The following CDK18 variants were observed in gnomAD, a reference collection of about 807,000 sequenced individuals.
CDK18 encodes the protein cyclin-dependent kinase 18.
In CDK18, 52 loss-of-function variants were observed where a neutral mutation model predicts 62.0. The observed-to-expected ratio is 0.84, with a 90% confidence interval of 0.67 to 1.06. The LOEUF (loss-of-function observed/expected upper bound fraction) is 1.06. Ranked by LOEUF, CDK18 falls within the 50% of genes least tolerant of loss-of-function variation. The probability of loss-of-function intolerance (pLI) is 0.00; values close to 1 mark genes in which losing one functional copy is unlikely to be tolerated. For missense variants in CDK18, 604 were observed against 619.9 expected (o/e 0.97, Z 0.27); for synonymous variants, 237 against 247.0 (o/e 0.96, Z 0.38).
intron 3 of CDK18, 83 bp from the exon 4 acceptor site, chr1:205,524,149 T>C: frequency 6.6e-7 from 1 of 1,523,954 alleles, no homozygotes; most frequent in Non-Finnish European, 9.1e-7. Flanking sequence ...GAACGCTAGG[T>C]CCAGAGTGAA....
At chr1:205,530,808 C>T (rs1398305631) in intron 15 of CDK18, 103 bp downstream of exon 15, 1 of 893,096 alleles carries the variant, frequency 1.1e-6, no homozygotes, top group Admixed American at 2.0e-5. Flanking sequence ...CCACTGGCTT[C>T]CCTTTGGACT....
rs769308265 is a variant in CDK18, at chr1:205,529,333, C to G, written c.1082C>G (p.Thr361Arg). The G allele has an allele frequency of 2.5e-6, 4 of 1,613,610 alleles. No homozygotes were observed. The Admixed American group carries it at 6.7e-5, about 27-fold the overall frequency. The stretch of plus-strand genomic sequence containing the variant: ...TCTCTCGTCTCCCCAGGGACCCCCA[C>G]AGAAGAGACGTGGCCCGGCGTGACC... ...HLIFRLLGTP[T>R]EETWPGVTAF... The change falls in exon 12 of 16, where the codon ACA becomes AGA. Residue 361 changes from threonine (T) to arginine (R), a missense_variant. Transcript: ENST00000429964.
intron 1 of CDK18, among the ~76,000 whole-genome samples, chr1:205,509,272 G>A (rs1667456479): frequency 6.6e-6 from 1 of 152,132 alleles, no homozygotes; most frequent in Non-Finnish European, 1.5e-5. Flanking sequence ...CCTCTTTCCT[G>A]GAGCTCTTGA....
chr1:205,510,614 G>A (rs77232427), intron 1 of CDK18, among the ~76,000 whole-genome samples: 7,826 of 152,290 alleles, frequency 0.051, 409 homozygotes, highest in African/African-American at 0.13. Context: ...TGGCTGTGGT[G>A]ACCAATAAAG....
intron 5 of CDK18, 130 bp from the exon 6 acceptor site, chr1:205,525,935 C>T (rs1668400488): frequency 6.3e-6 from 4 of 635,776 alleles, no homozygotes; most frequent in African/African-American, 3.7e-5. Flanking sequence ...GAGGAAACAG[C>T]ATGTCAGTAA....
Position 205,517,272 on chromosome 1 carries a change from T to TC in CDK18, c.-21-5870dup, listed in dbSNP as rs1667869155. Among the ~76,000 whole-genome samples the TC allele has an allele frequency of 6.6e-6, 1 of 152,036 alleles. No individual in the cohort carries two copies. The highest frequency in any genetic ancestry group is 2.4e-5 in the African/African-American group (1 of 41,392). On this transcript the variant is annotated intron_variant, in intron 1 of 15. Coordinates refer to ENST00000429964, the MANE Select transcript of CDK18 (RefSeq NM_212502.3). This position sits in a 1 kb window ranked among gnomAD's most constrained non-coding sequence, Gnocchi z 4.1. ...GGGGACCCTGCCTCCCTGGCCCTTC[T>TC]CCCCCTCACATCTGCCAAGAGATGA...
chr1:205,531,461 G>A lies in CDK18; in HGVS notation c.*83G>A, dbSNP rs1311722088. The A allele has an allele frequency of 2.7e-5, 36 of 1,324,016 alleles. No homozygotes were observed. Among genetic ancestry groups the A allele is most frequent in the Middle Eastern group, 3.6e-4 (2 of 5,514 alleles). The allele number at this position is 1,324,016 out of a possible 1,614,324, so 82.0% of individuals were successfully genotyped here. Reference sequence around the variant, plus strand: ...GTAGGATGGAGCCTGTGTGGCCCTCGGAGGACTGAAGAACGAGGGCTGACA... The same window carrying A: ...GTAGGATGGAGCCTGTGTGGCCCTCAGAGGACTGAAGAACGAGGGCTGACA... On this transcript the variant is annotated 3_prime_UTR_variant, in exon 16 of 16. Transcript: ENST00000429964.
intron 13 of CDK18, chr1:205,529,978 T>G: frequency 7.2e-7 from 1 of 1,393,668 alleles, no homozygotes; most frequent in Non-Finnish European, 9.3e-7. Context: ...CTCCATCTGA[T>G]CATGGTTGGT....
At chr1:205,518,554 G>T (rs1667946698) in intron 1 of CDK18, among the ~76,000 whole-genome samples, 1 of 152,208 alleles carries the variant, frequency 6.6e-6, no homozygotes, top group Admixed American at 6.5e-5. Context: ...AGGGCTCCAG[G>T]TAGGAGAAGA....
rs1668233799 is a variant in CDK18 at position 205,523,334 on chromosome 1, T to C, written c.130+37T>C. The C allele has an allele frequency of 2.5e-6, 4 of 1,612,968 alleles. No individual in the cohort carries two copies. In the South Asian group the frequency reaches 4.4e-5, roughly 18 times the overall value. On this transcript the variant is annotated intron_variant, in intron 2 of 15. Transcript: ENST00000429964. ...GGGCCCACCCAGCACCTCTCCCACC[T>C]ACCAGACACTCCCCAGTCACCTTCC... is the stretch of plus-strand genomic sequence containing the variant.
intron 13 of CDK18, chr1:205,529,897 G>C (rs1454616753): frequency 7.3e-7 from 1 of 1,366,760 alleles, no homozygotes; most frequent in Non-Finnish European, 9.6e-7. Flanking sequence ...GACACACTTA[G>C]TGTGGTGCCT....
At position 205,523,536 on chromosome 1, in the gene CDK18, TC is replaced by T; in HGVS notation, c.188del (p.Pro63GlnfsTer83). 2 of 1,606,804 alleles carry T rather than the reference TC, an allele frequency of 1.2e-6. No homozygotes were observed. Among genetic ancestry groups the T allele is most frequent in the South Asian group, 1.1e-5 (1 of 89,682 alleles). On this transcript the variant is annotated frameshift_variant, in exon 3 of 16. Transcript: ENST00000429964. LOFTEE classifies it high-confidence loss of function. ...CCCCCCGCAGGAGTGCAGCACCTTC[TC>T]CCCAACAGACAGCGGGGAGGAGCCG... ...RDPPQECSTF[S>X]PTDSGEEPGQ...
At chr1:205,523,363 C>T (rs1292762850) in intron 2 of CDK18, 66 bp downstream of exon 2, 2 of 1,602,912 alleles carry the variant, frequency 1.2e-6, no homozygotes, top group East Asian at 2.2e-5. Context: ...ACCTTCCCCT[C>T]CCCGCCCACC....
chr1:205,524,055 G>A (rs971592114), intron 3 of CDK18, among the ~76,000 whole-genome samples, 177 bp from the exon 4 acceptor site: 4 of 152,188 alleles, frequency 2.6e-5, no homozygotes, highest in Admixed American at 6.5e-5. Flanking sequence ...GGGTGTTCAC[G>A]TGTATGTCTT....
chr1:205,523,581 G>T lies in CDK18; in HGVS notation c.229G>T (p.Val77Leu), dbSNP rs370868675. The T allele has an allele frequency of 3.3e-5, 52 of 1,595,970 alleles. No individual in the cohort carries two copies. The highest frequency in any genetic ancestry group is 4.0e-5 in the Non-Finnish European group (47 of 1,171,754). ...GGAGCCGGGGCAGCTCTCCCCTGGCGTGCAGTTCCAGCGGCGGCAGAACCA... is the reference window on the plus strand; with the variant it reads ...GGAGCCGGGGCAGCTCTCCCCTGGCTTGCAGTTCCAGCGGCGGCAGAACCA... ...GEEPGQLSPG[V>L]QFQRRQNQRR... Residue 77 changes from valine (V) to leucine (L), a missense_variant, in exon 3 of 16, where the codon GTG becomes TTG. Coordinates refer to ENST00000429964, the MANE Select transcript of CDK18 (RefSeq NM_212502.3).
intron 1 of CDK18, among the ~76,000 whole-genome samples, chr1:205,510,122 T>C (rs1018184070): frequency 2.0e-5 from 3 of 151,712 alleles, no homozygotes; most frequent in Non-Finnish European, 2.9e-5. Context: ...CTCTGAACAC[T>C]GTTCCCCATC....
At chr1:205,526,004 C>T in intron 5 of CDK18, 61 bp from the exon 6 acceptor site, 1 of 1,216,924 alleles carries the variant, frequency 8.2e-7, no homozygotes. Flanking sequence ...AATGGGGAGG[C>T]ACTGGACAGA....
intron 7 of CDK18, 69 bp downstream of exon 7, chr1:205,526,530 G>A (rs1668439916): frequency 6.3e-6 from 8 of 1,269,706 alleles, no homozygotes; most frequent in Admixed American, 1.7e-5. Context: ...TAGGGGAGTG[G>A]GAAGCTGAGG....
At position 205,523,266 on chromosome 1, in the gene CDK18, A is replaced by G; in HGVS notation, c.99A>G (p.Gln33=). ...AATCCTTGGCTGAATTCACGGAGCA[A>G]TTCAACCAGCTCCACAACCGGCGGA... ...IEESLAEFTE[Q]FNQLHNRRNE... is the part of the protein sequence containing the mutation. Residue 33 remains glutamine, a synonymous_variant, in exon 2 of 16, where the codon CAA becomes CAG. Coordinates refer to ENST00000429964, the MANE Select transcript of CDK18 (RefSeq NM_212502.3). 6.2e-7 allele frequency: 1 copy of G among 1,614,058 alleles called. No individual in the cohort carries two copies. The highest frequency in any genetic ancestry group is 1.7e-5 in the Admixed American group (1 of 60,020).
Sources: allele counts gnomAD v4.1 joint callset (sites outside exome capture counted in the v4.1 genomes callset), GRCh38; gene constraint gnomAD v4.1.1; non-coding constraint Gnocchi (gnomAD v3.1); transcripts MANE v1.5; gene names NCBI Gene and HGNC (gene_info 2026-07-23, HGNC 2026-07-21).